The following MAD1L1 variants were observed in gnomAD, a reference collection of about 807,000 sequenced individuals.
MAD1L1 encodes mitotic arrest deficient 1 like 1.
MAD1L1 carries 95 observed loss-of-function variants against 96.9 expected under a neutral mutation model. The observed-to-expected ratio is 0.98, with a 90% CI of 0.83 to 1.16. The LOEUF (loss-of-function observed/expected upper bound fraction) is 1.16, where lower values mean the gene tolerates loss of function less well. MAD1L1 is among the 50% of genes most tolerant of loss of function. The pLI is 0.00. For synonymous variants in MAD1L1, 473 were observed against 396.6 expected (o/e 1.19, Z -2.29); for missense variants, 1,007 against 954.4 (o/e 1.06, Z -0.73).
At chr7:1,946,890 G>A (rs561906004) in intron 16 of MAD1L1, among the ~76,000 whole-genome samples, 5 of 152,364 alleles carry the variant, frequency 3.3e-5, no homozygotes, top group South Asian at 4.1e-4. Flanking sequence ...AGGAGGCCTC[G>A]GCCTCGACGG....
chr7:1,852,547 T>G (rs912974227), intron 18 of MAD1L1, among the ~76,000 whole-genome samples: 1 of 152,190 alleles, frequency 6.6e-6, no homozygotes, highest in African/African-American at 2.4e-5. Context: ...CGCCGCCATC[T>G]GAGAGGTCCG....
intron 10 of MAD1L1, among the ~76,000 whole-genome samples, chr7:2,172,729 C>T (rs1006223586): frequency 3.9e-5 from 6 of 152,176 alleles, no homozygotes; most frequent in Admixed American, 2.0e-4. Context: ...GATAGAGGAC[C>T]GAGGCCCTAA....
chr7:2,131,680 G>A (rs2128568340), intron 11 of MAD1L1, among the ~76,000 whole-genome samples: 1 of 152,312 alleles, frequency 6.6e-6, no homozygotes, highest in South Asian at 2.1e-4. Context: ...CAGCAACAGG[G>A]ACAGCTCAGG....
At chr7:2,086,472 C>T (rs1051960286) in intron 11 of MAD1L1, among the ~76,000 whole-genome samples, 1 of 152,242 alleles carries the variant, frequency 6.6e-6, no homozygotes, top group Non-Finnish European at 1.5e-5. Flanking sequence ...CGGCTGGGGA[C>T]GGAGCCACAC....
intron 12 of MAD1L1, among the ~76,000 whole-genome samples, chr7:2,067,498 C>T (rs1291131403): frequency 2.0e-5 from 3 of 152,160 alleles, no homozygotes; most frequent in African/African-American, 4.8e-5. Context: ...TAAGGTGTCC[C>T]GCCACTCTGA....
chr7:2,036,999 G>A (rs1035134559), intron 12 of MAD1L1, among the ~76,000 whole-genome samples: 21 of 150,044 alleles, frequency 1.4e-4, no homozygotes, highest in African/African-American at 3.0e-4. Flanking sequence ...ACGAGCTTCC[G>A]CGTGCCCACC....
chr7:2,196,932 C>T (rs1156519347), intron 10 of MAD1L1, among the ~76,000 whole-genome samples: 1 of 152,232 alleles, frequency 6.6e-6, no homozygotes, highest in Non-Finnish European at 1.5e-5. Flanking sequence ...GGTCAGACAG[C>T]CCCAGGGACT....
intron 11 of MAD1L1, among the ~76,000 whole-genome samples, chr7:2,079,012 G>A (rs1166501440): frequency 1.1e-5 from 1 of 90,032 alleles, no homozygotes. Context: ...CACGTTCCAT[G>A]TGTCTCTCAG....
chr7:2,025,750 G>A (rs1782968908), intron 12 of MAD1L1, among the ~76,000 whole-genome samples: 1 of 152,172 alleles, frequency 6.6e-6, no homozygotes, highest in East Asian at 1.9e-4. Context: ...CAGAAGAAAG[G>A]ATTTTAAGAC....
chr7:2,111,312 G>C (rs1337399314), intron 11 of MAD1L1, among the ~76,000 whole-genome samples: 4 of 152,170 alleles, frequency 2.6e-5, no homozygotes, highest in African/African-American at 4.8e-5. Context: ...CTGCACGCTG[G>C]CTGCCCAGCC....
chr7:1,910,968 G>A (rs571604784), intron 17 of MAD1L1, among the ~76,000 whole-genome samples: 8 of 152,206 alleles, frequency 5.3e-5, no homozygotes, highest in South Asian at 4.1e-4. Context: ...TCCCGTGACC[G>A]GAGGCCCTGG....
chr7:2,071,077 T>C (rs1276933693), intron 11 of MAD1L1, among the ~76,000 whole-genome samples: 3 of 150,900 alleles, frequency 2.0e-5, no homozygotes, highest in Non-Finnish European at 4.5e-5. Flanking sequence ...GGCTGGTGGA[T>C]GGTGCTTTCT....
Position 2,225,252 on chromosome 7 carries a change from G to C in MAD1L1, c.291+158C>G, listed in dbSNP as rs538003987. Among the ~76,000 whole-genome samples, 47 of 38,170 alleles carry C rather than the reference G, an allele frequency of 1.2e-3. No individual in the cohort carries two copies. The South Asian group carries it at 0.046, about 38-fold the overall frequency. The allele number at this position is 38,170 out of a possible 152,430, so 25.0% of individuals were successfully genotyped here. ...CCGTGCACAGCCCCCTTGCTCCCAG[G>C]GACTGGGATCTGATTTCTTAAGACC... On this transcript the variant is annotated intron_variant, in intron 4 of 18. Transcript: ENST00000265854.
At position 2,053,688 on chromosome 7, in the gene MAD1L1, GGGCCAGGGACAGCCCCTGGGTGA is replaced by G. The variant is rs1249791216; in HGVS notation, c.1218+15483_1218+15505del. On this transcript the variant is annotated intron_variant, in intron 12 of 18. Transcript: ENST00000265854. The stretch of plus-strand genomic sequence containing the variant: ...GGGTGCCCCAGGCCAACAGGGTACA[GGGCCAGGGACAGCCCCTGGGTGA>G]AGCCAGGGAGCCTGTGACCCAGGCC... Among the ~76,000 whole-genome samples, 10 of 152,294 alleles carry G rather than the reference GGGCCAGGGACAGCCCCTGGGTGA, an allele frequency of 6.6e-5. No homozygotes were observed. In the East Asian group the frequency reaches 1.9e-3, roughly 29 times the overall value.
At chr7:2,022,151 C>A (rs1015624271) in intron 12 of MAD1L1, among the ~76,000 whole-genome samples, 4 of 151,992 alleles carry the variant, frequency 2.6e-5, no homozygotes, top group Non-Finnish European at 4.4e-5. Flanking sequence ...ATCTAATGGA[C>A]GATTGTTTGA....
At chr7:2,094,214 A>C (rs975778176) in intron 11 of MAD1L1, among the ~76,000 whole-genome samples, 1 of 152,160 alleles carries the variant, frequency 6.6e-6, no homozygotes, top group Non-Finnish European at 1.5e-5. Context: ...GGACCCACCC[A>C]TGGTCAGTGT....
rs1786904120 is a variant in MAD1L1 at position 1,896,807 on chromosome 7, G to C, written c.1998+1393C>G. ...CGGGGAAAACGCTGCCTCTTAATTT[G>C]TAAATGTTGATGTAACGAGTGATAT... On this transcript the variant is annotated intron_variant, in intron 18 of 18. Transcript: ENST00000265854. Among the ~76,000 whole-genome samples, 6 of 152,334 alleles carry C rather than the reference G, an allele frequency of 3.9e-5. 1 individual carries two copies. In the South Asian group the frequency reaches 1.2e-3, roughly 32 times the overall value.
chr7:2,115,625 G>A (rs1184178308), intron 11 of MAD1L1, among the ~76,000 whole-genome samples: 1 of 152,242 alleles, frequency 6.6e-6, no homozygotes, highest in Admixed American at 6.5e-5. Flanking sequence ...CCGGTCACAG[G>A]AGGCTGGATA....
At chr7:2,042,281 G>A (rs1017143129) in intron 12 of MAD1L1, among the ~76,000 whole-genome samples, 14 of 150,126 alleles carry the variant, frequency 9.3e-5, no homozygotes, top group Admixed American at 5.3e-4. Context: ...ACACACACGC[G>A]CACATGGACA....
Sources: gnomAD v4.1 joint callset for allele counts (sites outside exome capture counted in the v4.1 genomes callset) on GRCh38, gnomAD v4.1.1 for gene constraint, MANE v1.5 for transcripts, NCBI Gene and HGNC (gene_info 2026-07-23, HGNC 2026-07-21) for gene names.